Variants in PAQR7 observed in about 807,000 individuals in gnomAD.
The protein encoded by PAQR7 is membrane progestin receptor alpha.
Under a neutral mutation model 24.6 loss-of-function variants are expected in PAQR7, and 14 were observed. The observed-to-expected ratio is 0.57, with a 90% CI of 0.38 to 0.89. The LOEUF is 0.89. Among genes scored for constraint, PAQR7 ranks in the 40% least tolerant of loss-of-function variants. The pLI is 0.00. For synonymous variants in PAQR7, 189 were observed against 198.8 expected (o/e 0.95, Z 0.42); for missense variants, 351 against 444.0 (o/e 0.79, Z 1.88).
intron 1 of PAQR7, among the ~76,000 whole-genome samples, chr1:25,872,275 G>A (rs1003403608): frequency 1.3e-5 from 2 of 152,184 alleles, no homozygotes; most frequent in African/African-American, 4.8e-5. Flanking sequence ...CAATCCCTGT[G>A]TGACCTTGGA....
chr1:25,864,411 T>C (rs2048539990), intron 2 of PAQR7, among the ~76,000 whole-genome samples: 2 of 152,160 alleles, frequency 1.3e-5, no homozygotes, highest in Non-Finnish European at 2.9e-5. Flanking sequence ...TCCAGTCTTG[T>C]TGCACAACCA....
rs1265384659 is a variant in PAQR7 at position 25,863,378 on chromosome 1, G to A, written c.462C>T (p.Ala154=). The stretch of plus-strand genomic sequence containing the variant: ...CGATAGCATAGTAGAAGTGTGCCAA[G>A]GCACTGCCAAACTGGTACACGGCCA... The part of the protein sequence containing the change: ...VGVAVYQFGS[A]LAHFYYAIEP... Residue 154 remains alanine (A), a synonymous_variant, in exon 3 of 3, where the codon GCC becomes GCT. Transcript: ENST00000675840. The surrounding 1 kb of genome is among the most constrained non-coding windows in gnomAD (Gnocchi z 6.1). 6 of 1,614,242 alleles carry A rather than the reference G, an allele frequency of 3.7e-6. No homozygotes were observed. The highest frequency in any genetic ancestry group is 1.7e-5 in the Admixed American group (1 of 60,034).
chr1:25,862,753 C>T lies in PAQR7; in HGVS notation c.*46G>A, dbSNP rs780526589. The T allele has an allele frequency of 6.4e-7, 1 of 1,561,302 alleles. No individual in the cohort carries two copies. ...TCCCACCTGGAGCCAAACCCAGACC[C>T]CTGTCCCCCAACTATACCTCCCTCC... is the stretch of plus-strand genomic sequence containing the variant. On this transcript the variant is annotated 3_prime_UTR_variant, in exon 3 of 3. Coordinates refer to ENST00000675840, the MANE Select transcript of PAQR7 (RefSeq NM_178422.6).
At position 25,863,765 on chromosome 1, in the gene PAQR7, C is replaced by T; in HGVS notation, c.75G>A (p.Leu25=). ...RQVIQEPQLS[L]QPEPVFTVDR... is the part of the protein sequence containing the mutation. Reference sequence around the variant, plus strand: ...CCACCGTGAAGACAGGCTCTGGCTGCAGAGATAGCTGAGGCTCCTGGATGA... The same window carrying T: ...CCACCGTGAAGACAGGCTCTGGCTGTAGAGATAGCTGAGGCTCCTGGATGA... The change falls in exon 3 of 3, where the codon CTG becomes CTA. Residue 25 remains leucine (L), a synonymous_variant. Transcript: ENST00000675840. The surrounding 1 kb of genome is among the most constrained non-coding windows in gnomAD (Gnocchi z 6.1). The T allele has an allele frequency of 6.2e-7, 1 of 1,613,766 alleles. No homozygotes were observed.
In PAQR7 at chr1:25,863,596, C is replaced by T. The variant is rs754510817; in HGVS notation, c.244G>A (p.Ala82Thr). ...GCCAGCCGCAGCAGCAGTACCAGGG[C>T]CGCCAGCAGGTGGGTCCAGACATTC... is the stretch of plus-strand genomic sequence containing the variant. Reference protein sequence around the residue: ...AVNVWTHLLAALVLLLRLALF... With the variant: ...AVNVWTHLLATLVLLLRLALF... The change falls in exon 3 of 3, where the codon GCC becomes ACC. Residue 82 changes from alanine to threonine, a missense_variant. Transcript: ENST00000675840. The surrounding 1 kb of genome is among the most constrained non-coding windows in gnomAD (Gnocchi z 6.1). 6.2e-7 allele frequency: 1 copy of T among 1,614,220 alleles called. No homozygotes were observed. The highest frequency in any genetic ancestry group is 1.1e-5 in the South Asian group (1 of 91,082).
intron 2 of PAQR7, among the ~76,000 whole-genome samples, chr1:25,868,210 G>A (rs2048573408): frequency 6.6e-6 from 1 of 152,198 alleles, no homozygotes; most frequent in South Asian, 2.1e-4. Flanking sequence ...ACTTAGGAAA[G>A]CAGAGCCCAG....
rs755046731 is a variant in PAQR7, at chr1:25,863,785, G to A, written c.55C>T (p.Gln19Ter). 1 of 1,613,648 alleles carries A rather than the reference G, an allele frequency of 6.2e-7. No individual in the cohort carries two copies. Among genetic ancestry groups the A allele is most frequent in the South Asian group, 1.1e-5 (1 of 91,066 alleles). Residue 19 changes from glutamine to a stop codon, truncating the protein, a stop_gained, in exon 3 of 3, where the codon CAG becomes TAG. Transcript: ENST00000675840. LOFTEE classifies it high-confidence loss of function. The surrounding 1 kb of genome is among the most constrained non-coding windows in gnomAD (Gnocchi z 6.1). ...GGCTGCAGAGATAGCTGAGGCTCCTGGATGACCTGCCGCAGACTCGGCAGG... is the reference window on the plus strand; with the variant it reads ...GGCTGCAGAGATAGCTGAGGCTCCTAGATGACCTGCCGCAGACTCGGCAGG... ...HLLPSLRQVI[Q>*]EPQLSLQPEP...
Position 25,863,131 on chromosome 1 carries a change from C to T in PAQR7, c.709G>A (p.Ala237Thr). 6.2e-7 allele frequency: 1 copy of T among 1,614,156 alleles called. No individual in the cohort carries two copies. Among genetic ancestry groups the T allele is most frequent in the African/African-American group, 1.3e-5 (1 of 75,066 alleles). Residue 237 changes from alanine (A) to threonine (T), a missense_variant, in exon 3 of 3, where the codon GCT (alanine) becomes ACT (threonine). Ala to Thr is a moderately conservative substitution (Grantham distance 58). Transcript: ENST00000675840. The surrounding 1 kb of genome is among the most constrained non-coding windows in gnomAD (Gnocchi z 6.1). ...VSSDPTTDDP[A>T]LLYHKCQVVF... The stretch of plus-strand genomic sequence containing the variant: ...ACCTGGCACTTGTGGTAGAGAAGAG[C>T]TGGATCATCCGTGGTGGGGTCGGAG...
At chr1:25,868,904 G>A (rs1178965259) in intron 2 of PAQR7, among the ~76,000 whole-genome samples, 4 of 151,904 alleles carry the variant, frequency 2.6e-5, no homozygotes, top group Non-Finnish European at 5.9e-5. Flanking sequence ...CGAGGTGGGT[G>A]GATCACGAGG....
rs1238581302 is a variant in PAQR7, at chr1:25,862,989, A to G, written c.851T>C (p.Leu284Pro). Residue 284 changes from leucine (L) to proline (P), a missense_variant, in exon 3 of 3, where the codon CTG (leucine) becomes CCG (proline). Coordinates refer to ENST00000675840, the MANE Select transcript of PAQR7 (RefSeq NM_178422.6). The part of the protein sequence containing the change: ...GHQLFHIFLV[L>P]CTLAQLEAVA... ...AGCCTCCAGCTGAGCCAGCGTGCAC[A>G]GCACCAAGAAGATGTGGAAAAGTTG... 4 of 1,614,088 alleles carry G rather than the reference A, an allele frequency of 2.5e-6. No individual in the cohort carries two copies. In the African/African-American group the frequency reaches 5.3e-5, roughly 22 times the overall value.
At position 25,862,534 on chromosome 1, in the gene PAQR7, G is replaced by A. The variant is rs2048519550; in HGVS notation, c.*265C>T. The A allele has an allele frequency of 2.4e-6, 1 of 423,984 alleles. No individual in the cohort carries two copies. Among genetic ancestry groups the A allele is most frequent in the East Asian group, 4.3e-5 (1 of 23,084 alleles). The allele number at this position is 423,984 out of a possible 1,614,324, so 26.3% of individuals were successfully genotyped here. A position where few individuals can be genotyped will look rare whatever the true frequency, so the allele number is the denominator to read the frequency against. On this transcript the variant is annotated 3_prime_UTR_variant, in exon 3 of 3. Transcript: ENST00000675840. Reference sequence around the variant, plus strand: ...TCACCCCAGTGAGTGGCAGTGGAAGGGCAAGCTGGAGTGGCCCACACCGTT... The same window carrying A: ...TCACCCCAGTGAGTGGCAGTGGAAGAGCAAGCTGGAGTGGCCCACACCGTT...
At chr1:25,868,409 A>G (rs1444701067) in intron 2 of PAQR7, among the ~76,000 whole-genome samples, 1 of 152,190 alleles carries the variant, frequency 6.6e-6, no homozygotes, top group African/African-American at 2.4e-5. Flanking sequence ...ATAACAGCAC[A>G]TTAAAGACTC....
intron 2 of PAQR7, among the ~76,000 whole-genome samples, chr1:25,868,828 A>C (rs1034383647): frequency 1.3e-5 from 2 of 150,664 alleles, no homozygotes; most frequent in African/African-American, 4.9e-5. Context: ...AGTAATAATT[A>C]TATTATAAAG....
At position 25,872,035 on chromosome 1, in the gene PAQR7, G is replaced by C. The variant is rs576278361; in HGVS notation, c.-108-1341C>G. On this transcript the variant is annotated intron_variant, in intron 1 of 2. Transcript: ENST00000675840. The stretch of plus-strand genomic sequence containing the variant: ...CAGGCTGTTTCAAGAGACGCCACAG[G>C]CCTCATTTTTATGTGAGGATGAAAT... Among the ~76,000 whole-genome samples the C allele has an allele frequency of 9.2e-5, 14 of 152,328 alleles. No homozygotes were observed. The East Asian group carries it at 2.5e-3, about 27-fold the overall frequency.
Position 25,863,594 on chromosome 1 carries a change from G to A in PAQR7, c.246C>T (p.Ala82=), listed in dbSNP as rs1416840139. 5.6e-6 allele frequency: 9 copies of A among 1,614,128 alleles called. No individual in the cohort carries two copies. The highest frequency in any genetic ancestry group is 7.6e-6 in the Non-Finnish European group (9 of 1,180,050). Residue 82 remains alanine (A), a synonymous_variant, in exon 3 of 3, where the codon GCC becomes GCT. Transcript: ENST00000675840. The surrounding 1 kb of genome is among the most constrained non-coding windows in gnomAD (Gnocchi z 6.1). ...AVNVWTHLLA[A]LVLLLRLALF... is the part of the protein sequence containing the mutation. Reference sequence around the variant, plus strand: ...GGGCCAGCCGCAGCAGCAGTACCAGGGCCGCCAGCAGGTGGGTCCAGACAT... The same window carrying A: ...GGGCCAGCCGCAGCAGCAGTACCAGAGCCGCCAGCAGGTGGGTCCAGACAT...
rs922103639 is a variant in PAQR7 at position 25,870,668 on chromosome 1, C to T, written c.-82G>A. On this transcript the variant is annotated 5_prime_UTR_variant, in exon 2 of 3. Transcript: ENST00000675840. ...GTGACTAGGGCCTGGTTGATGGTGTCAGGCAAACTTCAGTGGTTCCTGTCC... is the reference window on the plus strand; with the variant it reads ...GTGACTAGGGCCTGGTTGATGGTGTTAGGCAAACTTCAGTGGTTCCTGTCC... 6.6e-6 allele frequency: 1 copy of T among 152,248 alleles called. No individual in the cohort carries two copies. Among genetic ancestry groups the T allele is most frequent in the African/African-American group, 2.4e-5 (1 of 41,450 alleles). 9.4% of individuals were successfully genotyped at this position (152,248 alleles called of 1,614,324 possible). A position where few individuals can be genotyped will look rare whatever the true frequency, so the allele number is the denominator to read the frequency against.
At chr1:25,871,044 A>T (rs2048599085) in intron 1 of PAQR7, 1 of 152,152 alleles carries the variant, frequency 6.6e-6, no homozygotes, top group African/African-American at 2.4e-5. Flanking sequence ...CGAGTTTTCT[A>T]AAAAAACCAT....
Position 25,862,724 on chromosome 1 carries a change from T to C in PAQR7, c.*75A>G. The C allele has an allele frequency of 6.9e-7, 1 of 1,454,944 alleles. No individual in the cohort carries two copies. Among genetic ancestry groups the C allele is most frequent in the Non-Finnish European group, 9.4e-7 (1 of 1,065,350 alleles). 90.1% of individuals were successfully genotyped at this position (1,454,944 alleles called of 1,614,324 possible). ...CAGACACAAACAACTTTACCAGGCC[T>C]TGTTCCCACCTGGAGCCAAACCCAG... On this transcript the variant is annotated 3_prime_UTR_variant, in exon 3 of 3. Transcript: ENST00000675840.
chr1:25,863,829 G>T lies in PAQR7; in HGVS notation c.11C>A (p.Ala4Asp). 6.2e-7 allele frequency: 1 copy of T among 1,610,520 alleles called. No individual in the cohort carries two copies. The highest frequency in any genetic ancestry group is 8.5e-7 in the Non-Finnish European group (1 of 1,178,184). MAM[A>D]QKLSHLLPSL... ...CGGCAGGAGGTGGCTGAGTTTCTGG[G>T]CCATGGCCATGGCTGTGGGCCTGGG... Residue 4 changes from alanine to aspartate, a missense_variant, in exon 3 of 3, where the codon GCC becomes GAC. Ala to Asp is a moderately radical substitution (Grantham distance 126). Transcript: ENST00000675840. The surrounding 1 kb of genome is among the most constrained non-coding windows in gnomAD (Gnocchi z 6.1).
Sources: gnomAD v4.1 joint callset for allele counts (sites outside exome capture counted in the v4.1 genomes callset) on GRCh38, gnomAD v4.1.1 for gene constraint, Gnocchi (gnomAD v3.1) non-coding constraint, MANE v1.5 for transcripts, NCBI Gene and HGNC (gene_info 2026-07-23, HGNC 2026-07-21) for gene names.